The following TMTC2 variants were observed in gnomAD, a reference collection of about 807,000 sequenced individuals.
TMTC2 encodes the protein transmembrane O-mannosyltransferase targeting cadherins 2, also known as protein O-mannosyl-transferase TMTC2.
A neutral mutation model predicts 82.4 loss-of-function variants in TMTC2; 43 were observed. The observed-to-expected ratio is 0.52, with a 90% CI of 0.41 to 0.67. The LOEUF is 0.67. Among genes scored for constraint, TMTC2 ranks in the 30% least tolerant of loss-of-function variants. The probability of loss-of-function intolerance (pLI) is 0.00; values close to 1 mark genes in which losing one functional copy is unlikely to be tolerated. For missense variants in TMTC2, 919 were observed against 1,012.4 expected (o/e 0.91, Z 1.25); for synonymous variants, 408 against 381.9 (o/e 1.07, Z -0.80).
chr12:83,058,515 G>A (rs1882627044), intron 10 of TMTC2, among the ~76,000 whole-genome samples: 2 of 151,764 alleles, frequency 1.3e-5, no homozygotes, highest in Non-Finnish European at 2.9e-5. Context: ...GGTAGGAGTT[G>A]GTAATGAGAA....
chr12:83,098,056 T>G (rs1301974806), intron 11 of TMTC2, among the ~76,000 whole-genome samples: 1 of 152,224 alleles, frequency 6.6e-6, no homozygotes, highest in Non-Finnish European at 1.5e-5. Context: ...CGAGGGCTAC[T>G]CTATGGAGAA....
intron 1 of TMTC2, among the ~76,000 whole-genome samples, chr12:82,824,185 C>T (rs779676731): frequency 9.2e-5 from 14 of 152,098 alleles, no homozygotes; most frequent in African/African-American, 2.4e-4. Flanking sequence ...TGGGCCACCG[C>T]GCCTGGCCTA....
chr12:82,937,701 G>GGTGTGTGTGTGTGT lies in TMTC2; in HGVS notation c.1598+7170_1598+7183dup, dbSNP rs146657948. 3.7e-4 allele frequency among the ~76,000 whole-genome samples: 27 copies of GGTGTGTGTGTGTGT among 73,262 alleles called. No homozygotes were observed. In the East Asian group the frequency reaches 5.0e-3, roughly 13 times the overall value. The allele number at this position is 73,262 out of a possible 152,430, so 48.1% of individuals were successfully genotyped here. A position where few individuals can be genotyped will look rare whatever the true frequency, so the allele number is the denominator to read the frequency against. ...GCTAACATTTTGAACAAATGTCAAT[G>GGTGTGTGTGTGTGT]GTGTGTGTGTGTGTGTGTGTGTGTG... On this transcript the variant is annotated intron_variant, in intron 4 of 11. Coordinates refer to ENST00000321196, the MANE Select transcript of TMTC2 (RefSeq NM_152588.3).
chr12:82,883,577 G>A (rs757812160), intron 2 of TMTC2, among the ~76,000 whole-genome samples: 24 of 152,122 alleles, frequency 1.6e-4, no homozygotes, highest in Non-Finnish European at 2.8e-4. Flanking sequence ...GGGCTCACAT[G>A]CTTAACTCAT....
chr12:83,110,002 A>T (rs191394904), intron 11 of TMTC2, among the ~76,000 whole-genome samples: 10 of 152,240 alleles, frequency 6.6e-5, no homozygotes, highest in African/African-American at 2.4e-4. Flanking sequence ...CTAGACATTT[A>T]TTCATACCTT....
intron 8 of TMTC2, among the ~76,000 whole-genome samples, chr12:83,030,108 T>C (rs201858402): frequency 6.6e-6 from 1 of 152,178 alleles, no homozygotes; most frequent in East Asian, 1.9e-4. Context: ...ATATTTGGCC[T>C]GTAAATGCCA....
In TMTC2 at chr12:82,922,006, C is replaced by G. The variant is rs144637181; in HGVS notation, c.1484-8425C>G. On this transcript the variant is annotated intron_variant, in intron 3 of 11. Coordinates refer to ENST00000321196, the MANE Select transcript of TMTC2 (RefSeq NM_152588.3). The stretch of plus-strand genomic sequence containing the variant: ...TTTGTAGTCTCAGCTACTCGGGAGG[C>G]TGAGGTGGGAGGATTGCTTAAGCCC... 5.4e-3 allele frequency among the ~76,000 whole-genome samples: 816 copies of G among 151,328 alleles called. 11 individuals are homozygous for G. Among genetic ancestry groups the G allele is most frequent in the African/African-American group, 0.019 (779 of 41,234 alleles).
At chr12:83,094,780 G>A (rs1369904672) in intron 11 of TMTC2, among the ~76,000 whole-genome samples, 2 of 152,178 alleles carry the variant, frequency 1.3e-5, no homozygotes, top group African/African-American at 4.8e-5. Context: ...TAGCTTAGGC[G>A]ACTAAGTAGG....
intron 2 of TMTC2, among the ~76,000 whole-genome samples, chr12:82,867,183 A>C (rs1291513813): frequency 1.3e-5 from 2 of 152,230 alleles, no homozygotes; most frequent in Non-Finnish European, 2.9e-5. Context: ...TAACTCTTGC[A>C]TCAAGAGAAA....
At chr12:82,815,292 T>A (rs1186274507) in intron 1 of TMTC2, among the ~76,000 whole-genome samples, 3 of 150,372 alleles carry the variant, frequency 2.0e-5, no homozygotes, top group African/African-American at 4.9e-5. Flanking sequence ...CATTTATTTT[T>A]TTTAATTAAT....
intron 9 of TMTC2, among the ~76,000 whole-genome samples, chr12:83,034,909 C>T (rs1881597551): frequency 6.6e-6 from 1 of 152,132 alleles, no homozygotes; most frequent in Non-Finnish European, 1.5e-5. Flanking sequence ...CAGTTCCTTG[C>T]CAACTTGCTG....
At chr12:82,734,317 C>G (rs2136944623) in intron 1 of TMTC2, among the ~76,000 whole-genome samples, 1 of 152,148 alleles carries the variant, frequency 6.6e-6, no homozygotes, top group East Asian at 1.9e-4. Flanking sequence ...TGGGAAAGAT[C>G]AGTTTCCAAG....
At chr12:82,963,342 G>A (rs1386773936) in intron 4 of TMTC2, among the ~76,000 whole-genome samples, 1 of 151,828 alleles carries the variant, frequency 6.6e-6, no homozygotes, top group African/African-American at 2.4e-5. Flanking sequence ...GACAAAGAGG[G>A]GTTGATTGAA....
At chr12:82,936,571 G>A (rs113462877) in intron 4 of TMTC2, among the ~76,000 whole-genome samples, 200 of 152,130 alleles carry the variant, frequency 1.3e-3, no homozygotes, top group Middle Eastern at 0.01. Flanking sequence ...AAGATTTGTG[G>A]TGGGATATTT....
At chr12:82,894,297 G>A (rs1026976075) in intron 2 of TMTC2, among the ~76,000 whole-genome samples, 10 of 152,184 alleles carry the variant, frequency 6.6e-5, no homozygotes, top group African/African-American at 2.4e-4. Context: ...GGATCATTAG[G>A]TTGAAGGTAG....
intron 5 of TMTC2, 93 bp from the exon 6 acceptor site, chr12:82,965,467 A>C (rs1366682835): frequency 7.1e-7 from 1 of 1,405,374 alleles, no homozygotes; most frequent in African/African-American, 1.5e-5. Flanking sequence ...AATGAGCACT[A>C]AACCATAGAA....
chr12:83,124,074 C>A (rs143292121), intron 11 of TMTC2, among the ~76,000 whole-genome samples: 1 of 152,138 alleles, frequency 6.6e-6, no homozygotes, highest in Non-Finnish European at 1.5e-5. Context: ...AACAGTTTCA[C>A]CTCCCTCTTT....
chr12:82,838,566 G>T (rs990930444), intron 1 of TMTC2, among the ~76,000 whole-genome samples: 4 of 152,184 alleles, frequency 2.6e-5, no homozygotes, highest in Admixed American at 2.6e-4. Context: ...AGAAGTTCAA[G>T]ATGTGGTGTA....
chr12:82,939,553 C>T (rs2137259674), intron 4 of TMTC2, among the ~76,000 whole-genome samples: 1 of 152,012 alleles, frequency 6.6e-6, no homozygotes, highest in Admixed American at 6.5e-5. Context: ...ATAATTTTTT[C>T]CAATGAAAAC....
Sources: gnomAD v4.1 joint callset for allele counts (sites outside exome capture counted in the v4.1 genomes callset) on GRCh38, gnomAD v4.1.1 for gene constraint, MANE v1.5 for transcripts, NCBI Gene and HGNC (gene_info 2026-07-23, HGNC 2026-07-21) for gene names.